NEDD4: variants seen among roughly 807,000 people sequenced by gnomAD.
The protein encoded by NEDD4 is E3 ubiquitin-protein ligase NEDD4.
Under a neutral mutation model 144.9 loss-of-function variants are expected in NEDD4, and 99 were observed. That is an observed-to-expected ratio of 0.68 (90% CI 0.58 to 0.81). The LOEUF is 0.81. NEDD4 is among the 30% of genes least tolerant of loss of function. The probability of loss-of-function intolerance (pLI) is 0.00; values close to 1 mark genes in which losing one functional copy is unlikely to be tolerated. For synonymous variants in NEDD4, 318 were observed against 350.6 expected (o/e 0.91, Z 1.04); for missense variants, 985 against 1,065.9 (o/e 0.92, Z 1.06).
At chr15:55,927,710 A>T (rs1238077124) in intron 4 of NEDD4, among the ~76,000 whole-genome samples, 1 of 152,150 alleles carries the variant, frequency 6.6e-6, no homozygotes, top group Admixed American at 6.6e-5. Context: ...TTTAGGTCAC[A>T]TCTGAAGATT....
At chr15:55,893,978 A>T (rs1426986148) in intron 5 of NEDD4, among the ~76,000 whole-genome samples, 1 of 152,000 alleles carries the variant, frequency 6.6e-6, no homozygotes. Context: ...ACATTTTCCT[A>T]GAAGTTCAAA....
chr15:55,896,112 C>T (rs1595811504), intron 5 of NEDD4, among the ~76,000 whole-genome samples: 1 of 152,178 alleles, frequency 6.6e-6, no homozygotes, highest in East Asian at 1.9e-4. Context: ...CCCCCAATAG[C>T]TGCAATGATC....
intron 5 of NEDD4, among the ~76,000 whole-genome samples, chr15:55,897,701 C>T (rs1284358796): frequency 1.3e-5 from 2 of 152,142 alleles, no homozygotes; most frequent in African/African-American, 2.4e-5. Flanking sequence ...TTATTAATTC[C>T]CTGCCCATGT....
At chr15:55,831,294 A>G (rs183870894) in intron 27 of NEDD4, among the ~76,000 whole-genome samples, 6 of 152,234 alleles carry the variant, frequency 3.9e-5, no homozygotes, top group African/African-American at 9.6e-5. Flanking sequence ...CTATAAATAC[A>G]TAAGAATTTG....
intron 5 of NEDD4, among the ~76,000 whole-genome samples, chr15:55,876,935 G>T (rs918744149): frequency 6.6e-6 from 1 of 150,824 alleles, no homozygotes; most frequent in Admixed American, 6.6e-5. Flanking sequence ...AAACTCCTGG[G>T]CTCAAGCGAG....
intron 4 of NEDD4, among the ~76,000 whole-genome samples, chr15:55,943,623 G>A (rs948103610): frequency 6.6e-6 from 1 of 152,238 alleles, no homozygotes; most frequent in Non-Finnish European, 1.5e-5. Context: ...TTCAGAGGAT[G>A]TATGGAAATG....
rs570974819 is a variant in NEDD4 at position 55,924,635 on chromosome 15, A to G, written c.291+11T>C. The G allele has an allele frequency of 6.2e-7, 1 of 1,604,500 alleles. No homozygotes were observed. Among genetic ancestry groups the G allele is most frequent in the Admixed American group, 1.7e-5 (1 of 58,868 alleles). ...TTACTTCATATTTCATATAAGCACA[A>G]TATAACTTACCAATCGGTTTTCGTC... On this transcript the variant is annotated intron_variant, in intron 5 of 28. Transcript: ENST00000435532.
chr15:55,882,409 T>C (rs1467052330), intron 5 of NEDD4, among the ~76,000 whole-genome samples: 1 of 152,180 alleles, frequency 6.6e-6, no homozygotes, highest in Admixed American at 6.5e-5. Context: ...AACTCAGTGC[T>C]GCATTGTCAC....
intron 4 of NEDD4, among the ~76,000 whole-genome samples, chr15:55,945,773 A>C (rs2142287355): frequency 6.6e-6 from 1 of 152,278 alleles, no homozygotes; most frequent in African/African-American, 2.4e-5. Context: ...AGGTGAGGTT[A>C]CCCACTAAGA....
At chr15:55,909,040 G>A (rs766495588) in intron 5 of NEDD4, among the ~76,000 whole-genome samples, 23 of 152,152 alleles carry the variant, frequency 1.5e-4, no homozygotes, top group Admixed American at 3.3e-4. Context: ...CTTGGGTAAT[G>A]TATTTTTCTA....
At chr15:55,851,349 TA>T (rs796865161) in intron 13 of NEDD4, among the ~76,000 whole-genome samples, 10 of 151,520 alleles carry the variant, frequency 6.6e-5, no homozygotes, top group African/African-American at 2.2e-4. Flanking sequence ...GGTGTAGACT[TA>T]CAGGGCCACA....
In NEDD4 at chr15:55,910,300, G is replaced by A. The variant is rs540340664; in HGVS notation, c.291+14346C>T. 2.6e-5 allele frequency among the ~76,000 whole-genome samples: 4 copies of A among 151,926 alleles called. No individual in the cohort carries two copies. In the East Asian group the frequency reaches 5.8e-4, roughly 22 times the overall value. ...TTTCTTCAATCTGGCTTTTAACCCC[G>A]CATTCTCCTGAGCCTACTCTTGCTA... On this transcript the variant is annotated intron_variant, in intron 5 of 28. Transcript: ENST00000435532.
chr15:55,924,177 G>A (rs1360195073), intron 5 of NEDD4, among the ~76,000 whole-genome samples: 1 of 152,112 alleles, frequency 6.6e-6, no homozygotes, highest in Non-Finnish European at 1.5e-5. Flanking sequence ...TTCCTTATCA[G>A]TGTAAAAAGG....
chr15:55,858,281 T>C (rs2034271976), intron 11 of NEDD4, among the ~76,000 whole-genome samples: 1 of 149,018 alleles, frequency 6.7e-6, no homozygotes, highest in Non-Finnish European at 1.5e-5. Flanking sequence ...TCGTATGTGA[T>C]TTATCATCAG....
intron 5 of NEDD4, among the ~76,000 whole-genome samples, chr15:55,886,178 C>A (rs2035380059): frequency 6.6e-6 from 1 of 152,122 alleles, no homozygotes; most frequent in Non-Finnish European, 1.5e-5. Flanking sequence ...GCACCCAACA[C>A]TGGAGCACTC....
intron 5 of NEDD4, 59 bp downstream of exon 5, chr15:55,924,587 G>T: frequency 6.8e-7 from 1 of 1,463,608 alleles, no homozygotes; most frequent in South Asian, 1.2e-5. Context: ...CACTTCCCCT[G>T]GCTGCTCCAC....
intron 4 of NEDD4, among the ~76,000 whole-genome samples, chr15:55,944,169 G>A (rs551513546): frequency 6.6e-5 from 10 of 152,358 alleles, no homozygotes; most frequent in South Asian, 6.2e-4. Flanking sequence ...AGGGCAAGCC[G>A]AAGCAGGATG....
chr15:55,940,103 A>G (rs187588486), intron 4 of NEDD4, among the ~76,000 whole-genome samples: 3 of 152,342 alleles, frequency 2.0e-5, no homozygotes, highest in African/African-American at 7.2e-5. Context: ...GAAATAAGCT[A>G]GTCCCAGAAG....
intron 2 of NEDD4, among the ~76,000 whole-genome samples, chr15:55,962,414 T>G (rs191949615): frequency 7.2e-5 from 11 of 152,320 alleles, no homozygotes; most frequent in Admixed American, 7.2e-4. Flanking sequence ...GTTTATTGTT[T>G]GTTTTCCATT....
Sources: gnomAD v4.1 joint callset for allele counts (sites outside exome capture counted in the v4.1 genomes callset) on GRCh38, gnomAD v4.1.1 for gene constraint, MANE v1.5 for transcripts, NCBI Gene and HGNC (gene_info 2026-07-23, HGNC 2026-07-21) for gene names.